PLEKHB2: variants seen among roughly 807,000 people sequenced by gnomAD.
The protein encoded by PLEKHB2 is pleckstrin homology domain containing B2.
A neutral mutation model predicts 36.5 loss-of-function variants in PLEKHB2; 31 were observed. That is an observed-to-expected ratio of 0.85 (90% CI 0.64 to 1.15). The LOEUF is 1.15. Among genes scored for constraint, PLEKHB2 ranks in the 50% most tolerant of loss-of-function variants. The pLI is 0.00. For synonymous variants in PLEKHB2, 119 were observed against 112.0 expected, an observed-to-expected ratio of 1.06 and a Z score of -0.39; for missense variants, 262 against 295.3, an observed-to-expected ratio of 0.89 and a Z score of 0.83.
chr2:131,110,969 C>G (rs969008244), intron 1 of PLEKHB2, among the ~76,000 whole-genome samples: 26 of 151,522 alleles, frequency 1.7e-4, no homozygotes, highest in Non-Finnish European at 3.7e-4. Flanking sequence ...TTTCTCTGCT[C>G]TTTTCTCTGT....
At chr2:131,134,846 TTATA>T (rs1302415041) in intron 6 of PLEKHB2, among the ~76,000 whole-genome samples, 3 of 152,244 alleles carry the variant, frequency 2.0e-5, no homozygotes, top group African/African-American at 7.2e-5. Context: ...AATCTTCCAG[TTATA>T]AACATGGACT....
chr2:131,113,021 A>G (rs1390726688), intron 1 of PLEKHB2, among the ~76,000 whole-genome samples: 2 of 151,948 alleles, frequency 1.3e-5, no homozygotes, highest in East Asian at 3.9e-4. Flanking sequence ...GTGGGATCTG[A>G]TGCTATCTCC....
At chr2:131,126,033 G>A (rs1697068943) in intron 3 of PLEKHB2, 128 bp downstream of exon 3, 7 of 878,372 alleles carry the variant, frequency 8.0e-6, no homozygotes, top group Non-Finnish European at 1.0e-5. Flanking sequence ...TCAGAGGGGC[G>A]ACCACAGTGG....
intron 1 of PLEKHB2, among the ~76,000 whole-genome samples, chr2:131,105,944 C>T (rs1295023997): frequency 6.6e-6 from 1 of 152,252 alleles, no homozygotes; most frequent in Non-Finnish European, 1.5e-5. Flanking sequence ...GGTCTCCCCT[C>T]CTTAAGTCCC....
At chr2:131,133,059 G>T (rs770578662) in intron 6 of PLEKHB2, 68 bp downstream of exon 6, 10 of 1,011,684 alleles carry the variant, frequency 9.9e-6, no homozygotes, top group Non-Finnish European at 1.4e-5. Flanking sequence ...GCTTTGTTTT[G>T]TTTTTTTAAA....
intron 5 of PLEKHB2, among the ~76,000 whole-genome samples, chr2:131,131,255 C>A (rs368518559): frequency 5.3e-5 from 8 of 152,366 alleles, no homozygotes; most frequent in African/African-American, 1.7e-4. Flanking sequence ...CCTGCTCTTA[C>A]AGGCATGCTT....
intron 1 of PLEKHB2, among the ~76,000 whole-genome samples, chr2:131,114,440 G>C (rs981818136): frequency 6.6e-6 from 1 of 152,132 alleles, no homozygotes; most frequent in Non-Finnish European, 1.5e-5. Flanking sequence ...GAGACATTTT[G>C]CCCATTGTCT....
At position 131,123,196 on chromosome 2, in the gene PLEKHB2, A is replaced by G. The variant is rs149008435; in HGVS notation, c.37+2218A>G. Among the ~76,000 whole-genome samples the G allele has an allele frequency of 3.7e-3, 565 of 152,292 alleles. 7 individuals are homozygous for G. Among genetic ancestry groups the G allele is most frequent in the African/African-American group, 0.013 (535 of 41,562 alleles). ...ATTCAGACGATTTACTCTGTATATA[A>G]CCCCATCCCCATATGTATGGGTTAA... On this transcript the variant is annotated intron_variant, in intron 2 of 7. Transcript: ENST00000693505.
chr2:131,125,603 G>A, intron 2 of PLEKHB2, 150 bp from the exon 3 acceptor site: 1 of 610,166 alleles, frequency 1.6e-6, no homozygotes, highest in South Asian at 2.1e-5. Flanking sequence ...TAAACGGGAG[G>A]CTGAAATGGG....
At chr2:131,134,503 A>C (rs889269313) in intron 6 of PLEKHB2, among the ~76,000 whole-genome samples, 6 of 152,162 alleles carry the variant, frequency 3.9e-5, no homozygotes, top group Non-Finnish European at 8.8e-5. Context: ...TTAATTTTTT[A>C]TAAGATAGAT....
chr2:131,126,777 A>G lies in PLEKHB2; in HGVS notation c.284A>G (p.Asp95Gly). 1 of 1,574,670 alleles carries G rather than the reference A, an allele frequency of 6.4e-7. No homozygotes were observed. Among genetic ancestry groups the G allele is most frequent in the Non-Finnish European group, 8.7e-7 (1 of 1,144,344 alleles). The change falls in exon 4 of 8, where the codon GAT becomes GGT. Residue 95 changes from aspartate to glycine, a missense_variant. Asp to Gly is a moderately conservative substitution (Grantham distance 94, BLOSUM62 -1). Coordinates refer to ENST00000693505, the MANE Select transcript of PLEKHB2 (RefSeq NM_001100623.2). ...ATTAGTCTTTGTGCAGAAAGCACAG[A>G]TGATTGCTTGTAAGTTTTGCTTTCT... is the stretch of plus-strand genomic sequence containing the variant. The part of the protein sequence containing the change: ...KTISLCAEST[D>G]DCLAWKFTLQ...
In PLEKHB2 at chr2:131,147,312, G is replaced by C. The variant is rs1699368802; in HGVS notation, c.*539G>C. On this transcript the variant is annotated 3_prime_UTR_variant, in exon 8 of 8. Coordinates refer to ENST00000693505, the MANE Select transcript of PLEKHB2 (RefSeq NM_001100623.2). ...GCCCTCTGGGGCTCCACAGGCCCCT[G>C]GCAAGGCCGATGGCTCAGGATGATG... 1 of 152,268 alleles carries C rather than the reference G, an allele frequency of 6.6e-6. No individual in the cohort carries two copies. The highest frequency in any genetic ancestry group is 6.5e-5 in the Admixed American group (1 of 15,288). 9.4% of individuals were successfully genotyped at this position (152,268 alleles called of 1,614,324 possible).
rs572728807 is a variant in PLEKHB2 at position 131,137,800 on chromosome 2, A to G, written c.424-2367A>G. ...CTTGCTCTGTGGACTTTGGTTTTCA[A>G]AAGTTTGACTATAATGTGTATTTGT... On this transcript the variant is annotated intron_variant, in intron 6 of 7. Coordinates refer to ENST00000693505, the MANE Select transcript of PLEKHB2 (RefSeq NM_001100623.2). Among the ~76,000 whole-genome samples, 36 of 151,954 alleles carry G rather than the reference A, an allele frequency of 2.4e-4. No individual in the cohort carries two copies. In the East Asian group the frequency reaches 6.6e-3, roughly 28 times the overall value.
intron 6 of PLEKHB2, among the ~76,000 whole-genome samples, chr2:131,139,633 C>T (rs1363026741): frequency 1.3e-5 from 2 of 152,180 alleles, no homozygotes; most frequent in Non-Finnish European, 2.9e-5. Flanking sequence ...ATGTTTCTCG[C>T]CATGTCTTTT....
chr2:131,146,625 C>G lies in PLEKHB2; in HGVS notation c.533-12C>G. 2 of 1,599,960 alleles carry G rather than the reference C, an allele frequency of 1.3e-6. No individual in the cohort carries two copies. The highest frequency in any genetic ancestry group is 1.7e-6 in the Non-Finnish European group (2 of 1,173,166). On this transcript the variant is annotated splice_polypyrimidine_tract_variant and intron_variant, in intron 7 of 7. Transcript: ENST00000693505. ...CGCTGCTCAGAAATCTGCTATTTTC[C>G]TTCTCTTTTAGGACTTTATGGACAG...
chr2:131,138,669 T>C (rs1335477628), intron 6 of PLEKHB2, among the ~76,000 whole-genome samples: 5 of 152,174 alleles, frequency 3.3e-5, no homozygotes, highest in African/African-American at 1.2e-4. Flanking sequence ...GAGCCCACCC[T>C]GTCTGAGAAG....
Position 131,146,899 on chromosome 2 carries a change from A to G in PLEKHB2, c.*126A>G, listed in dbSNP as rs767808582. The G allele has an allele frequency of 5.0e-6, 4 of 806,190 alleles. No homozygotes were observed. The highest frequency in any genetic ancestry group is 7.8e-6 in the Non-Finnish European group (4 of 515,030). The allele number at this position is 806,190 out of a possible 1,614,324, so 49.9% of individuals were successfully genotyped here. ...TTTAATCATTCCTTTGAAAGTAGTG[A>G]TGTCATAATTGTACTAATCCACATA... is the stretch of plus-strand genomic sequence containing the variant. On this transcript the variant is annotated 3_prime_UTR_variant, in exon 8 of 8. Coordinates refer to ENST00000693505, the MANE Select transcript of PLEKHB2 (RefSeq NM_001100623.2).
rs1349851630 is a variant in PLEKHB2 at position 131,148,187 on chromosome 2, A to G, written c.*1414A>G. 6.6e-6 allele frequency: 1 copy of G among 152,046 alleles called. No homozygotes were observed. Among genetic ancestry groups the G allele is most frequent in the East Asian group, 1.9e-4 (1 of 5,194 alleles). The allele number at this position is 152,046 out of a possible 1,614,324, so 9.4% of individuals were successfully genotyped here. Reference sequence around the variant, plus strand: ...GACACAGGGACCGGCTCAAGGTACCACTCAGCCTGGCCAGGACCCCCAGCT... The same window carrying G: ...GACACAGGGACCGGCTCAAGGTACCGCTCAGCCTGGCCAGGACCCCCAGCT... On this transcript the variant is annotated 3_prime_UTR_variant, in exon 8 of 8. Coordinates refer to ENST00000693505, the MANE Select transcript of PLEKHB2 (RefSeq NM_001100623.2).
chr2:131,132,891 G>A lies in PLEKHB2; in HGVS notation c.334-11G>A. 6.4e-7 allele frequency: 1 copy of A among 1,557,306 alleles called. No homozygotes were observed. On this transcript the variant is annotated splice_polypyrimidine_tract_variant and intron_variant, in intron 5 of 7. Transcript: ENST00000693505. ...AGCTGTCCTGTCCTCACCCTCTCCT[G>A]TCTCCCGCAGGCGTATGTGGGCTCT... is the stretch of plus-strand genomic sequence containing the variant.
Sources: allele counts gnomAD v4.1 joint callset (sites outside exome capture counted in the v4.1 genomes callset), GRCh38; gene constraint gnomAD v4.1.1; transcripts MANE v1.5; gene names NCBI Gene and HGNC (gene_info 2026-07-23, HGNC 2026-07-21).